SDAD1: variants seen among roughly 807,000 people sequenced by gnomAD.
The protein encoded by SDAD1 is SDA1 domain containing 1.
Under a neutral mutation model 100.3 loss-of-function variants are expected in SDAD1, and 79 were observed. The ratio of observed to expected loss-of-function variants is 0.79; its 90% confidence interval spans 0.66 to 0.95. SDAD1 has a LOEUF of 0.95. Ranked by LOEUF, SDAD1 falls within the 40% of genes least tolerant of loss-of-function variation. The probability of loss-of-function intolerance (pLI) is 0.00; values close to 1 mark genes in which losing one functional copy is unlikely to be tolerated. For missense variants in SDAD1, 790 were observed against 810.9 expected (o/e 0.97, Z 0.31); for synonymous variants, 267 against 271.4 (o/e 0.98, Z 0.16).
chr4:75,961,991 T>C (rs2149313300), intron 14 of SDAD1, among the ~76,000 whole-genome samples: 2 of 152,370 alleles, frequency 1.3e-5, no homozygotes, highest in Middle Eastern at 6.8e-3. Context: ...GTTGGTGTGC[T>C]GCACCCATTA....
chr4:75,977,927 G>A (rs566170936), intron 3 of SDAD1, among the ~76,000 whole-genome samples, 171 bp from the exon 4 acceptor site: 26 of 152,228 alleles, frequency 1.7e-4, no homozygotes, highest in South Asian at 1.0e-3. Context: ...AGAGCAGAAC[G>A]GAGGACAGAC....
intron 3 of SDAD1, 137 bp downstream of exon 3, chr4:75,981,235 G>T: frequency 1.3e-6 from 1 of 790,494 alleles, no homozygotes; most frequent in Non-Finnish European, 2.0e-6. Flanking sequence ...GCCATAGAAG[G>T]ATTTTTAGGA....
chr4:75,961,881 GGAGA>G (rs71210229), intron 14 of SDAD1, among the ~76,000 whole-genome samples: 50,018 of 151,752 alleles, frequency 0.33, 9,030 homozygotes, highest in South Asian at 0.42. Flanking sequence ...GGTTTAAAGA[GGAGA>G]GACTTTTTTT....
intron 14 of SDAD1, among the ~76,000 whole-genome samples, chr4:75,963,498 A>T (rs1729367526): frequency 6.6e-6 from 1 of 152,024 alleles, no homozygotes; most frequent in African/African-American, 2.4e-5. Context: ...CATTTTCATG[A>T]TATTGATTCT....
chr4:75,984,606 C>T (rs1253978001), intron 1 of SDAD1, among the ~76,000 whole-genome samples: 1 of 152,110 alleles, frequency 6.6e-6, no homozygotes, highest in Non-Finnish European at 1.5e-5. Context: ...ATGTACTAAG[C>T]TCCTTATGCA....
intron 14 of SDAD1, among the ~76,000 whole-genome samples, chr4:75,963,737 C>T (rs1324502780): frequency 6.6e-6 from 1 of 152,064 alleles, no homozygotes; most frequent in African/African-American, 2.4e-5. Context: ...GATGCAGCAA[C>T]GAGGCCCCCA....
At chr4:75,958,726 G>A (rs531953162) in intron 17 of SDAD1, among the ~76,000 whole-genome samples, 1 of 151,664 alleles carries the variant, frequency 6.6e-6, no homozygotes, top group Admixed American at 6.6e-5. Flanking sequence ...CACTTTGCCT[G>A]GAAAGTCTCT....
At chr4:75,968,656 T>C (rs1037977339) in intron 11 of SDAD1, among the ~76,000 whole-genome samples, 2 of 152,092 alleles carry the variant, frequency 1.3e-5, no homozygotes, top group Non-Finnish European at 1.5e-5. Flanking sequence ...AACAGTGAGA[T>C]GTAGTAAGTC....
Position 75,961,253 on chromosome 4 carries a change from G to A in SDAD1, c.1237C>T (p.Leu413Phe), listed in dbSNP as rs1729213819. Residue 413 changes from leucine to phenylalanine, a missense_variant, in exon 15 of 22, where the codon CTT becomes TTT. Coordinates refer to ENST00000356260, the MANE Select transcript of SDAD1 (RefSeq NM_018115.4). ...TTATACTGAGCCAGGTCTTGGAGAA[G>A]TTCTTCAGTCATGGCCAGAGGACAT... ...ARCPLAMTEE[L>F]LQDLAQYKTH... 1 of 1,614,020 alleles carries A rather than the reference G, an allele frequency of 6.2e-7. No homozygotes were observed.
intron 13 of SDAD1, among the ~76,000 whole-genome samples, chr4:75,964,881 C>T (rs1264079004): frequency 6.6e-6 from 1 of 152,216 alleles, no homozygotes; most frequent in African/African-American, 2.4e-5. Context: ...TCTTTAATCT[C>T]TTAATCCCGT....
At chr4:75,984,739 C>T (rs1730766814) in intron 1 of SDAD1, among the ~76,000 whole-genome samples, 1 of 145,272 alleles carries the variant, frequency 6.9e-6, no homozygotes, top group Non-Finnish European at 1.5e-5. Flanking sequence ...CATACATAGT[C>T]TATGTCTTTA....
intron 21 of SDAD1, among the ~76,000 whole-genome samples, chr4:75,954,545 C>T (rs761083539): frequency 2.6e-5 from 4 of 152,070 alleles, no homozygotes; most frequent in African/African-American, 4.8e-5. Flanking sequence ...TGGTGGCAGA[C>T]GCCTGTAGTC....
At chr4:75,958,036 G>T (rs1729006668) in intron 17 of SDAD1, 95 bp from the exon 18 acceptor site, 8 of 956,034 alleles carry the variant, frequency 8.4e-6, no homozygotes, top group South Asian at 1.3e-5. Context: ...AATGAACCTT[G>T]AACAGATACA....
At chr4:75,984,870 T>C (rs1730795551) in intron 1 of SDAD1, among the ~76,000 whole-genome samples, 2 of 151,706 alleles carry the variant, frequency 1.3e-5, no homozygotes, top group East Asian at 1.9e-4. Context: ...TCCAGTCACC[T>C]GTCTGACATC....
chr4:75,958,990 C>A (rs1011137779), intron 17 of SDAD1, among the ~76,000 whole-genome samples: 1 of 143,068 alleles, frequency 7.0e-6, no homozygotes, highest in Non-Finnish European at 1.5e-5. Flanking sequence ...CCCAGCTATT[C>A]GGGAGGCTGA....
chr4:75,959,657 C>T (rs1008112331), intron 17 of SDAD1, among the ~76,000 whole-genome samples: 11 of 152,058 alleles, frequency 7.2e-5, no homozygotes, highest in African/African-American at 9.6e-5. Flanking sequence ...GAAGAATACA[C>T]GACTCTGGAA....
In SDAD1 at chr4:75,971,317, T is replaced by G. The variant is rs375509235; in HGVS notation, c.813+40A>C. 6.8e-4 allele frequency: 933 copies of G among 1,363,700 alleles called. 1 individual carries two copies. Among genetic ancestry groups the G allele is most frequent in the Non-Finnish European group, 9.0e-4 (864 of 955,524 alleles). 84.5% of individuals were successfully genotyped at this position (1,363,700 alleles called of 1,614,324 possible). ...TGGCTAACGACAACATATTCTTCAC[T>G]CTAATCACTCCTATCTCATTTTCCA... is the stretch of plus-strand genomic sequence containing the variant. On this transcript the variant is annotated intron_variant, in intron 9 of 21. Coordinates refer to ENST00000356260, the MANE Select transcript of SDAD1 (RefSeq NM_018115.4).
At chr4:75,963,652 C>T (rs1382996841) in intron 14 of SDAD1, among the ~76,000 whole-genome samples, 1 of 152,098 alleles carries the variant, frequency 6.6e-6, no homozygotes, top group African/African-American at 2.4e-5. Flanking sequence ...TCCCTTATCA[C>T]CAGTGAGTTA....
At chr4:75,983,559 T>A (rs2149330877) in intron 1 of SDAD1, among the ~76,000 whole-genome samples, 1 of 152,390 alleles carries the variant, frequency 6.6e-6, no homozygotes, top group Middle Eastern at 3.4e-3. Context: ...ATGAGCTTTT[T>A]TTCACTGTTT....
Sources: gnomAD v4.1 joint callset for allele counts (sites outside exome capture counted in the v4.1 genomes callset) on GRCh38, gnomAD v4.1.1 for gene constraint, MANE v1.5 for transcripts, NCBI Gene and HGNC (gene_info 2026-07-23, HGNC 2026-07-21) for gene names.